DST: variants seen among roughly 807,000 people sequenced by gnomAD.
DST encodes the protein bullous pemphigoid antigen.
Under a neutral mutation model 875.2 loss-of-function variants are expected in DST, and 253 were observed. That is an observed-to-expected ratio of 0.29 (90% CI 0.26 to 0.32). DST has a LOEUF of 0.32. DST is among the 10% of genes least tolerant of loss of function. The pLI, the probability that DST is intolerant of heterozygous loss-of-function variation, is 1.00. For missense variants in DST, 8,287 were observed against 9,111.6 expected (o/e 0.91, Z 3.68); for synonymous variants, 3,124 against 3,197.1 (o/e 0.98, Z 0.77).
In DST at chr6:56,693,385, C is replaced by G. The variant is rs2099245097; in HGVS notation, c.1047+6268G>C. On this transcript the variant is annotated intron_variant, in intron 9 of 103. Transcript: ENST00000680361. ...TTAGACACTGTGGCTTATTTCTGGC[C>G]ACCAATCCTCTTAGACAAACATTAC... 8 of 1,119,396 alleles carry G rather than the reference C, an allele frequency of 7.1e-6. No homozygotes were observed. In the South Asian group the frequency reaches 1.8e-4, roughly 25 times the overall value. 69.3% of individuals were successfully genotyped at this position (1,119,396 alleles called of 1,614,324 possible).
intron 5 of DST, among the ~76,000 whole-genome samples, chr6:56,727,226 G>A (rs1217614864): frequency 6.6e-6 from 1 of 152,164 alleles, no homozygotes; most frequent in Non-Finnish European, 1.5e-5. Flanking sequence ...CCCACTTTGA[G>A]TTGTCCCACC....
At chr6:56,513,838 TGGAGCTATC>T (rs2096534703) in intron 72 of DST, among the ~76,000 whole-genome samples, 1 of 152,236 alleles carries the variant, frequency 6.6e-6, no homozygotes, top group Admixed American at 6.5e-5. Flanking sequence ...CCAGTCATGC[TGGAGCTATC>T]TGGTGTGACT....
At chr6:56,480,549 G>A in intron 90 of DST, among the ~76,000 whole-genome samples, 1 of 152,206 alleles carries the variant, frequency 6.6e-6, no homozygotes, top group Non-Finnish European at 1.5e-5. Flanking sequence ...CAGTTCTGGT[G>A]TTAAGAAATT....
intron 2 of DST, among the ~76,000 whole-genome samples, chr6:56,946,620 C>A (rs1399222101): frequency 1.3e-5 from 2 of 152,122 alleles, no homozygotes; most frequent in African/African-American, 4.8e-5. Flanking sequence ...CATAAAATAT[C>A]AGTGTGGACG....
At chr6:56,902,187 C>T (rs1794430736) in intron 2 of DST, among the ~76,000 whole-genome samples, 1 of 152,132 alleles carries the variant, frequency 6.6e-6, no homozygotes. Context: ...TGATAATGTG[C>T]TGGTATGAGG....
chr6:56,747,792 TGTAA>T (rs1388626361), intron 4 of DST, among the ~76,000 whole-genome samples: 1 of 152,234 alleles, frequency 6.6e-6, no homozygotes, highest in Non-Finnish European at 1.5e-5. Flanking sequence ...ATTATTTATA[TGTAA>T]GGTAAATCCA....
In DST at chr6:56,894,992, T is replaced by C. The variant is rs1232676518; in HGVS notation, c.417+5429A>G. ...TGGCCAGGCGGGGGGCTGACCCCCC[T>C]ACCTCCCTCCCGGACTGGGCGGCTG... On this transcript the variant is annotated intron_variant, in intron 3 of 103. Transcript: ENST00000680361. Among the ~76,000 whole-genome samples, 592 of 78,916 alleles carry C rather than the reference T, an allele frequency of 7.5e-3. 12 individuals carry two copies. The highest frequency in any genetic ancestry group is 0.011 in the Non-Finnish European group (453 of 42,446). 51.8% of individuals were successfully genotyped at this position (78,916 alleles called of 152,430 possible).
At chr6:56,706,695 C>T (rs985127249) in intron 5 of DST, among the ~76,000 whole-genome samples, 3 of 152,140 alleles carry the variant, frequency 2.0e-5, no homozygotes, top group Non-Finnish European at 4.4e-5. Context: ...AGATCCCTCA[C>T]ATGCACAGTT....
intron 34 of DST, among the ~76,000 whole-genome samples, chr6:56,626,288 C>G (rs950957625): frequency 1.3e-5 from 2 of 152,146 alleles, no homozygotes; most frequent in African/African-American, 4.8e-5. Flanking sequence ...CTCACTAACT[C>G]ACCAAAGCAA....
At chr6:56,470,673 GTTTTAT>G (rs1162751718) in intron 95 of DST, among the ~76,000 whole-genome samples, 1 of 151,744 alleles carries the variant, frequency 6.6e-6, no homozygotes, top group Non-Finnish European at 1.5e-5. Context: ...ATCTTAAGAA[GTTTTAT>G]AGAGTTCTAA....
At position 56,609,361 on chromosome 6, in the gene DST, A is replaced by T; in HGVS notation, c.5284-17T>A. On this transcript the variant is annotated splice_polypyrimidine_tract_variant and intron_variant, in intron 39 of 103. Transcript: ENST00000680361. ...TTTATCCAGCTGAAAGGAAAATGCA[A>T]AAATCTCAGGTCACTCTGTTACACA... 6.4e-7 allele frequency: 1 copy of T among 1,563,902 alleles called. No homozygotes were observed. Among genetic ancestry groups the T allele is most frequent in the South Asian group, 1.2e-5 (1 of 86,200 alleles).
At chr6:56,951,365 T>C (rs1227350038) in intron 2 of DST, among the ~76,000 whole-genome samples, 1 of 152,244 alleles carries the variant, frequency 6.6e-6, no homozygotes, top group East Asian at 1.9e-4. Context: ...AATATGACTA[T>C]GATTTGTCAG....
intron 69 of DST, among the ~76,000 whole-genome samples, chr6:56,521,358 A>G (rs1033527887): frequency 1.3e-5 from 2 of 151,954 alleles, no homozygotes; most frequent in African/African-American, 2.4e-5. Context: ...GAAAAAAAAA[A>G]TAAAGTAATA....
intron 50 of DST, among the ~76,000 whole-genome samples, chr6:56,576,961 A>G (rs761433341): frequency 1.8e-4 from 27 of 152,210 alleles, no homozygotes; most frequent in Non-Finnish European, 3.4e-4. Context: ...TTTAGTTTGC[A>G]CTTCTTAGTG....
At chr6:56,675,933 A>C (rs2099126881) in intron 9 of DST, among the ~76,000 whole-genome samples, 1 of 152,226 alleles carries the variant, frequency 6.6e-6, no homozygotes, top group South Asian at 2.1e-4. Context: ...CAAGGCATAC[A>C]AATGGCCAAC....
chr6:56,591,206 G>C lies in DST; in HGVS notation c.12903+976C>G, dbSNP rs180776168. Among the ~76,000 whole-genome samples the C allele has an allele frequency of 1.2e-4, 18 of 152,276 alleles. 1 individual carries two copies. Among genetic ancestry groups the C allele is most frequent in the African/African-American group, 4.1e-4 (17 of 41,560 alleles). ...AAATAAGTTTTACATTATAAAAATA[G>C]ATTTAAGAACTCTCCACCACTGTAT... On this transcript the variant is annotated intron_variant, in intron 49 of 103. Coordinates refer to ENST00000680361, the MANE Select transcript of DST (RefSeq NM_001374736.1).
At chr6:56,931,252 T>C (rs1810057287) in intron 2 of DST, among the ~76,000 whole-genome samples, 1 of 152,198 alleles carries the variant, frequency 6.6e-6, no homozygotes, top group Non-Finnish European at 1.5e-5. Flanking sequence ...GTCCCAAGAC[T>C]TGGCAGCTTC....
At chr6:56,459,339 G>T (rs1377993191) in intron 103 of DST, 72 bp from the exon 104 acceptor site, 1 of 1,468,890 alleles carries the variant, frequency 6.8e-7, no homozygotes. Flanking sequence ...GAAACCCGAT[G>T]CCACCTTTAA....
chr6:56,924,593 TG>T (rs748963533), intron 2 of DST, among the ~76,000 whole-genome samples: 22 of 152,296 alleles, frequency 1.4e-4, no homozygotes, highest in Non-Finnish European at 2.9e-4. Flanking sequence ...TTCTCAGCTT[TG>T]GTCATCTTCG....
Sources: allele counts gnomAD v4.1 joint callset (sites outside exome capture counted in the v4.1 genomes callset), GRCh38; gene constraint gnomAD v4.1.1; transcripts MANE v1.5; gene names NCBI Gene and HGNC (gene_info 2026-07-23, HGNC 2026-07-21).